Variants in NCOA2 observed in about 807,000 individuals in gnomAD.
NCOA2 encodes the protein nuclear receptor coactivator 2.
NCOA2 carries 21 observed loss-of-function variants against 145.1 expected under a neutral mutation model. The observed-to-expected ratio is 0.14, with a 90% CI of 0.10 to 0.21. The LOEUF is 0.21. Among genes scored for constraint, NCOA2 ranks in the 10% least tolerant of loss-of-function variants. NCOA2 has a pLI of 1.00. For synonymous variants in NCOA2, 619 were observed against 637.5 expected (o/e 0.97, Z 0.44); for missense variants, 1,472 against 1,837.6 (o/e 0.80, Z 3.64).
At chr8:70,404,276 A>T (rs1350370184), upstream of NCOA2, among the ~76,000 whole-genome samples, 1 of 152,252 alleles carries the variant, frequency 6.6e-6, no homozygotes, top group East Asian at 1.9e-4. Context: ...AATGCCAAAA[A>T]GAAAACTAGC....
intron 1 of NCOA2, among the ~76,000 whole-genome samples, chr8:70,388,482 A>G (rs982589677): frequency 1.3e-5 from 2 of 152,202 alleles, no homozygotes; most frequent in African/African-American, 2.4e-5. Flanking sequence ...CTCACGTAAC[A>G]TATCTGTATA....
At position 70,189,250 on chromosome 8, in the gene NCOA2, C is replaced by T. The variant is rs73289209; in HGVS notation, c.260-14391G>A. 4.1e-3 allele frequency among the ~76,000 whole-genome samples: 618 copies of T among 152,262 alleles called. 2 individuals are homozygous for T. Among genetic ancestry groups the T allele is most frequent in the African/African-American group, 0.014 (596 of 41,544 alleles). On this transcript the variant is annotated intron_variant, in intron 4 of 22. Coordinates refer to ENST00000452400, the MANE Select transcript of NCOA2 (RefSeq NM_006540.4). Reference sequence around the variant, plus strand: ...TGCCACTGAATTTACTGGATAGTGACGGGCCTTCTTGGTTCAGCAGATGCC... The same window carrying T: ...TGCCACTGAATTTACTGGATAGTGATGGGCCTTCTTGGTTCAGCAGATGCC...
intron 1 of NCOA2, among the ~76,000 whole-genome samples, chr8:70,343,788 G>A (rs911663264): frequency 1.3e-5 from 2 of 151,002 alleles, no homozygotes; most frequent in Non-Finnish European, 2.9e-5. Flanking sequence ...TCTAGCCTGG[G>A]TGATGAAGCA....
At chr8:70,250,795 T>C (rs973976773) in intron 2 of NCOA2, among the ~76,000 whole-genome samples, 1 of 152,220 alleles carries the variant, frequency 6.6e-6, no homozygotes, top group African/African-American at 2.4e-5. Context: ...GTTTAACAAG[T>C]TGCAGAGTGT....
At chr8:70,247,567 G>A (rs1464934748) in intron 2 of NCOA2, among the ~76,000 whole-genome samples, 1 of 152,170 alleles carries the variant, frequency 6.6e-6, no homozygotes. Context: ...TGCAATGACT[G>A]CAGTTTTAAA....
the NCOA2 span, among the ~76,000 whole-genome samples, chr8:70,435,230 C>T: frequency 1.3e-5 from 2 of 150,910 alleles, no homozygotes; most frequent in Non-Finnish European, 2.9e-5. Context: ...TCGAGACCAT[C>T]CTGGCTAACA....
At chr8:70,175,885 A>G (rs1444737041) in intron 4 of NCOA2, among the ~76,000 whole-genome samples, 1 of 148,210 alleles carries the variant, frequency 6.7e-6, no homozygotes, top group Non-Finnish European at 1.5e-5. Flanking sequence ...TTTTTTTGTC[A>G]AAAATATTTT....
chr8:70,262,813 A>G (rs920839325), intron 2 of NCOA2, among the ~76,000 whole-genome samples: 2 of 152,158 alleles, frequency 1.3e-5, no homozygotes, highest in Non-Finnish European at 2.9e-5. Context: ...CCTCGAGTGG[A>G]TGCCTGAAAC....
intron 16 of NCOA2, among the ~76,000 whole-genome samples, chr8:70,129,668 C>G (rs1157396352): frequency 6.6e-6 from 1 of 152,066 alleles, no homozygotes; most frequent in East Asian, 1.9e-4. Context: ...ATGTGTCTGT[C>G]ACTCCTGACT....
At chr8:70,147,857 A>C (rs1811275841) in intron 12 of NCOA2, among the ~76,000 whole-genome samples, 1 of 151,830 alleles carries the variant, frequency 6.6e-6, no homozygotes, top group Non-Finnish European at 1.5e-5. Context: ...GCAGTTTGGG[A>C]GGGTAGAATA....
At chr8:70,386,127 C>A (rs1242003085) in intron 1 of NCOA2, among the ~76,000 whole-genome samples, 2 of 152,176 alleles carry the variant, frequency 1.3e-5, no homozygotes, top group African/African-American at 2.4e-5. Context: ...TAGGACCAGA[C>A]AAAGGGATCT....
chr8:70,323,405 T>G (rs1806260532), intron 1 of NCOA2, among the ~76,000 whole-genome samples: 1 of 152,150 alleles, frequency 6.6e-6, no homozygotes, highest in African/African-American at 2.4e-5. Flanking sequence ...GGATGTTGAA[T>G]GTAGCAACAG....
intron 1 of NCOA2, among the ~76,000 whole-genome samples, chr8:70,391,274 T>C (rs1444645916): frequency 6.6e-6 from 1 of 152,224 alleles, no homozygotes; most frequent in African/African-American, 2.4e-5. Context: ...ATAAAAGCTT[T>C]CTATTTAGCC....
At chr8:70,354,026 G>A (rs1002108717) in intron 1 of NCOA2, among the ~76,000 whole-genome samples, 5 of 152,018 alleles carry the variant, frequency 3.3e-5, no homozygotes, top group African/African-American at 1.2e-4. Context: ...ACTATCAAAT[G>A]AAACCATTTC....
intron 1 of NCOA2, among the ~76,000 whole-genome samples, chr8:70,325,460 G>A (rs1192427810): frequency 1.3e-5 from 2 of 149,832 alleles, no homozygotes; most frequent in Non-Finnish European, 3.0e-5. Flanking sequence ...TAAACACTCT[G>A]TCGCCCAGGC....
intron 1 of NCOA2, among the ~76,000 whole-genome samples, chr8:70,340,719 G>A (rs1040137523): frequency 1.3e-5 from 2 of 152,062 alleles, no homozygotes; most frequent in Non-Finnish European, 2.9e-5. Flanking sequence ...AGAAAATATG[G>A]TACATATAAA....
chr8:70,212,981 G>A (rs1819197087), intron 4 of NCOA2, among the ~76,000 whole-genome samples: 2 of 151,802 alleles, frequency 1.3e-5, no homozygotes, highest in East Asian at 1.9e-4. Context: ...CTACTCGGGA[G>A]GCTGAGGCAG....
intron 4 of NCOA2, among the ~76,000 whole-genome samples, chr8:70,189,757 C>A (rs1314153958): frequency 6.6e-6 from 1 of 152,124 alleles, no homozygotes; most frequent in Non-Finnish European, 1.5e-5. Context: ...AAGCCAAGTG[C>A]TGAAATGGGG....
intron 1 of NCOA2, among the ~76,000 whole-genome samples, chr8:70,400,394 TC>T (rs1375921150): frequency 6.6e-6 from 1 of 151,814 alleles, no homozygotes; most frequent in Non-Finnish European, 1.5e-5. Context: ...GAGGTTTTTT[TC>T]CCCCCAAGCC....
Sources: allele counts gnomAD v4.1 joint callset (sites outside exome capture counted in the v4.1 genomes callset), GRCh38; gene constraint gnomAD v4.1.1; transcripts MANE v1.5; gene names NCBI Gene and HGNC (gene_info 2026-07-23, HGNC 2026-07-21).